BRAF: variants seen among roughly 807,000 people sequenced by gnomAD.
The protein encoded by BRAF is serine/threonine-protein kinase B-raf.
In BRAF, 16 loss-of-function variants were observed where a neutral mutation model predicts 104.6. The ratio of observed to expected loss-of-function variants is 0.15; its 90% CI spans 0.10 to 0.23. The LOEUF (loss-of-function observed/expected upper bound fraction) is 0.23, where lower values mean the gene tolerates loss of function less well. BRAF is among the 10% of genes least tolerant of loss of function. BRAF has a pLI of 1.00. For missense variants in BRAF, 541 were observed against 937.3 expected, an observed-to-expected ratio of 0.58 and a Z score of 5.52; for synonymous variants, 310 against 341.6, an observed-to-expected ratio of 0.91 and a Z score of 1.02.
intron 3 of BRAF, chr7:140,834,386 A>C (rs1174712300): frequency 1.5e-6 from 1 of 662,728 alleles, no homozygotes; most frequent in Admixed American, 2.9e-5. Context: ...TTTGGCAGAC[A>C]GGTTTAAATG....
chr7:140,716,979 A>C (rs1200906116), downstream of BRAF, among the ~76,000 whole-genome samples: 2 of 152,102 alleles, frequency 1.3e-5, no homozygotes, highest in Non-Finnish European at 2.9e-5. Flanking sequence ...TGGCGTGTGG[A>C]CCTGCCTCAG....
chr7:140,915,916 T>G (rs1817577678), intron 1 of BRAF, among the ~76,000 whole-genome samples: 1 of 152,002 alleles, frequency 6.6e-6, no homozygotes, highest in Non-Finnish European at 1.5e-5. Context: ...CCCAGCACTC[T>G]GGGAAGGACT....
At chr7:140,915,860 CAA>C (rs1214435370) in intron 1 of BRAF, among the ~76,000 whole-genome samples, 1 of 150,714 alleles carries the variant, frequency 6.6e-6, no homozygotes, top group Non-Finnish European at 1.5e-5. Context: ...AGTGTAGTTT[CAA>C]AATCGGCAAG....
chr7:140,754,040 T>C, intron 15 of BRAF, 147 bp downstream of exon 14: 1 of 822,874 alleles, frequency 1.2e-6, no homozygotes, highest in Non-Finnish European at 2.0e-6. Context: ...CCTGCTCTCC[T>C]ATACATGCAT....
intron 7 of BRAF, chr7:140,799,714 T>C (rs959189971): frequency 4.3e-6 from 1 of 232,468 alleles, no homozygotes; most frequent in Non-Finnish European, 8.5e-6. Flanking sequence ...CTATTCTTCC[T>C]TCTGTAAACA....
At chr7:140,765,893 G>A (rs1165110841) in intron 14 of BRAF, among the ~76,000 whole-genome samples, 5 of 144,434 alleles carry the variant, frequency 3.5e-5, no homozygotes, top group African/African-American at 8.6e-5. Context: ...TCAGTGTGGC[G>A]ATTCCTCAGG....
At position 140,870,881 on chromosome 7, in the gene BRAF, A is replaced by G. The variant is rs538211175; in HGVS notation, c.139-20669T>C. On this transcript the variant is annotated intron_variant, in intron 1 of 19. Coordinates refer to ENST00000644969, the MANE Select transcript of BRAF (RefSeq NM_001374258.1). ...CTGCCTTTTCTTACTTAAAAAAAAA[A>G]AAAAAAAAGACTTTTAACAAATTTG... Among the ~76,000 whole-genome samples the G allele has an allele frequency of 4.8e-3, 723 of 152,054 alleles. 4 individuals carry two copies. The highest frequency in any genetic ancestry group is 6.4e-3 in the Non-Finnish European group (433 of 67,996).
chr7:140,843,157 G>C (rs1361584132), intron 2 of BRAF, among the ~76,000 whole-genome samples: 1 of 152,178 alleles, frequency 6.6e-6, no homozygotes, highest in Non-Finnish European at 1.5e-5. Context: ...ATAGTCACTA[G>C]TATAGGGGTG....
chr7:140,761,039 C>T lies in BRAF; in HGVS notation c.1815-6806G>A, dbSNP rs148389970. 3.6e-3 allele frequency among the ~76,000 whole-genome samples: 554 copies of T among 152,160 alleles called. 6 individuals are homozygous for T. Among genetic ancestry groups the T allele is most frequent in the African/African-American group, 0.013 (520 of 41,508 alleles). ...GTTCAGATTCACGAAATACAGAGAACGCCACAAAGATACTCCTTGAGAAGA... is the reference window on the plus strand; with the variant it reads ...GTTCAGATTCACGAAATACAGAGAATGCCACAAAGATACTCCTTGAGAAGA... On this transcript the variant is annotated intron_variant, in intron 14 of 19. Coordinates refer to ENST00000644969, the MANE Select transcript of BRAF (RefSeq NM_001374258.1).
chr7:140,762,300 A>C (rs1001027655), intron 14 of BRAF, among the ~76,000 whole-genome samples: 1 of 152,192 alleles, frequency 6.6e-6, no homozygotes, highest in African/African-American at 2.4e-5. Context: ...CTGGGTACAT[A>C]ACGAAATGAA....
chr7:140,717,038 C>A (rs1008249846), downstream of BRAF, among the ~76,000 whole-genome samples: 3 of 152,164 alleles, frequency 2.0e-5, no homozygotes, highest in South Asian at 2.1e-4. Flanking sequence ...TTGGTGATGA[C>A]AACAGTAGGG....
intron 17 of BRAF, among the ~76,000 whole-genome samples, chr7:140,743,761 A>G (rs1797124639): frequency 6.6e-6 from 1 of 152,054 alleles, no homozygotes; most frequent in East Asian, 1.9e-4. Flanking sequence ...TAACCTAACT[A>G]TAGTATACAT....
At chr7:140,907,765 A>T (rs1160887534) in intron 1 of BRAF, among the ~76,000 whole-genome samples, 1 of 147,508 alleles carries the variant, frequency 6.8e-6, no homozygotes, top group African/African-American at 2.5e-5. Context: ...TTTTTTTGAG[A>T]CACAGTTTCA....
chr7:140,829,020 T>A (rs1404961155), intron 3 of BRAF, among the ~76,000 whole-genome samples: 1 of 152,212 alleles, frequency 6.6e-6, no homozygotes, highest in Non-Finnish European at 1.5e-5. Context: ...TTGGATTTCA[T>A]CTTATACGAA....
At chr7:140,793,609 GC>G (rs1802200545) in intron 8 of BRAF, among the ~76,000 whole-genome samples, 1 of 152,058 alleles carries the variant, frequency 6.6e-6, no homozygotes, top group Non-Finnish European at 1.5e-5. Flanking sequence ...ATAATGCCAA[GC>G]TTATGATAGC....
At chr7:140,774,142 T>C (rs1404787824) in intron 14 of BRAF, among the ~76,000 whole-genome samples, 1 of 152,204 alleles carries the variant, frequency 6.6e-6, no homozygotes, top group African/African-American at 2.4e-5. Flanking sequence ...CCTTGGTTAA[T>C]TTTAAACTGG....
At chr7:140,829,930 T>C (rs1806529287) in intron 3 of BRAF, among the ~76,000 whole-genome samples, 1 of 152,230 alleles carries the variant, frequency 6.6e-6, no homozygotes, top group African/African-American at 2.4e-5. Context: ...GTTGGAACTT[T>C]TGCTCTCTCC....
chr7:140,917,805 G>A (rs374182482), intron 1 of BRAF, among the ~76,000 whole-genome samples: 4 of 151,848 alleles, frequency 2.6e-5, no homozygotes, highest in Admixed American at 2.0e-4. Flanking sequence ...ATGTTTAAGT[G>A]GTAGAAAAAA....
intron 1 of BRAF, among the ~76,000 whole-genome samples, chr7:140,871,608 C>A (rs1811604841): frequency 1.3e-5 from 2 of 151,754 alleles, no homozygotes; most frequent in Admixed American, 1.3e-4. Context: ...TAAAAAAAAC[C>A]AAGAGCATAA....
Sources: gnomAD v4.1 joint callset for allele counts (sites outside exome capture counted in the v4.1 genomes callset) on GRCh38, gnomAD v4.1.1 for gene constraint, MANE v1.5 for transcripts, NCBI Gene and HGNC (gene_info 2026-07-23, HGNC 2026-07-21) for gene names.